The following SGPP1 variants were observed in gnomAD, a reference collection of about 807,000 sequenced individuals.
The protein encoded by SGPP1 is hSPP1.
A neutral mutation model predicts 33.0 loss-of-function variants in SGPP1; 21 were observed. The observed-to-expected ratio is 0.64, with a 90% CI of 0.45 to 0.92. The LOEUF is 0.92. Among genes scored for constraint, SGPP1 ranks in the 40% least tolerant of loss-of-function variants. The pLI is 0.00. For synonymous variants in SGPP1, 239 were observed against 241.2 expected (o/e 0.99, Z 0.08); for missense variants, 543 against 589.4 (o/e 0.92, Z 0.81).
intron 1 of SGPP1, among the ~76,000 whole-genome samples, chr14:63,722,252 C>T (rs1885786046): frequency 6.6e-6 from 1 of 151,450 alleles, no homozygotes; most frequent in Non-Finnish European, 1.5e-5. Context: ...CAGCTGGGCG[C>T]AGTGGCTCAT....
chr14:63,720,002 G>A (rs950487709), intron 1 of SGPP1, among the ~76,000 whole-genome samples: 6 of 151,256 alleles, frequency 4.0e-5, no homozygotes, highest in African/African-American at 7.3e-5. Flanking sequence ...GGTAGGTGCC[G>A]GTAATCCCAG....
In SGPP1 at chr14:63,708,584, C is replaced by T. The variant is rs148462743; in HGVS notation, c.685-9926G>A. Among the ~76,000 whole-genome samples the T allele has an allele frequency of 9.2e-5, 14 of 152,066 alleles. No homozygotes were observed. In the East Asian group the frequency reaches 1.9e-3, roughly 21 times the overall value. The stretch of plus-strand genomic sequence containing the variant: ...CAGCCAGCAATCCTTTATTTCTGAC[C>T]GTTAATTTGGCTAGACTTTTTTAAG... On this transcript the variant is annotated intron_variant, in intron 1 of 2. Transcript: ENST00000247225.
chr14:63,697,893 T>C (rs2139634488), intron 2 of SGPP1, among the ~76,000 whole-genome samples: 1 of 152,338 alleles, frequency 6.6e-6, no homozygotes, highest in East Asian at 1.9e-4. Flanking sequence ...AGCTGAATGC[T>C]AGTGGAGCAG....
At chr14:63,688,381 T>A (rs1479035080) in intron 2 of SGPP1, among the ~76,000 whole-genome samples, 1 of 149,520 alleles carries the variant, frequency 6.7e-6, no homozygotes, top group Admixed American at 6.6e-5. Context: ...GATGATGGAT[T>A]GAATGTGAGA....
Position 63,727,883 on chromosome 14 carries a change from G to A in SGPP1, c.62C>T (p.Ala21Val). The A allele has an allele frequency of 3.3e-6, 5 of 1,526,010 alleles. No individual in the cohort carries two copies. The highest frequency in any genetic ancestry group is 2.6e-5 in the East Asian group (1 of 38,988). 94.5% of individuals were successfully genotyped at this position (1,526,010 alleles called of 1,614,324 possible). A position where few individuals can be genotyped will look rare whatever the true frequency, so the allele number is the denominator to read the frequency against. ...CACCCCGCACAGCCGCTGGAAACGG[G>A]CCACTTTCTGCGGGTCCTGCAGACG... Reference protein sequence around the residue: ...VGRLQDPQKVARFQRLCGVEA... With the variant: ...VGRLQDPQKVVRFQRLCGVEA... Residue 21 changes from alanine (A) to valine (V), a missense_variant, in exon 1 of 3, where the codon GCC becomes GTC. Transcript: ENST00000247225.
At chr14:63,726,900 G>C (rs2139658918) in intron 1 of SGPP1, among the ~76,000 whole-genome samples, 1 of 152,244 alleles carries the variant, frequency 6.6e-6, no homozygotes, top group African/African-American at 2.4e-5. Context: ...CTGGGTCTTA[G>C]TTTACATAGC....
chr14:63,698,049 G>C (rs560459712), intron 2 of SGPP1, among the ~76,000 whole-genome samples: 58 of 152,312 alleles, frequency 3.8e-4, no homozygotes, highest in African/African-American at 1.4e-3. Context: ...CAGGGTCCCT[G>C]TGCTGCTGCT....
intron 1 of SGPP1, among the ~76,000 whole-genome samples, chr14:63,701,939 C>G (rs75403065): frequency 7.7e-6 from 1 of 129,622 alleles, no homozygotes; most frequent in Non-Finnish European, 1.6e-5. Context: ...AAAAAAGAAC[C>G]AAAAGAAGTA....
chr14:63,725,307 G>A (rs1885856792), intron 1 of SGPP1, among the ~76,000 whole-genome samples: 1 of 152,170 alleles, frequency 6.6e-6, no homozygotes, highest in African/African-American at 2.4e-5. Context: ...CTGGGAGGCA[G>A]AGGTTGCAGT....
At chr14:63,708,794 C>A (rs990464783) in intron 1 of SGPP1, among the ~76,000 whole-genome samples, 2 of 152,138 alleles carry the variant, frequency 1.3e-5, no homozygotes, top group Non-Finnish European at 2.9e-5. Flanking sequence ...TAATTCACCT[C>A]ATTTTATAGA....
intron 2 of SGPP1, among the ~76,000 whole-genome samples, chr14:63,694,137 A>C (rs1443550099): frequency 6.6e-6 from 1 of 152,030 alleles, no homozygotes; most frequent in African/African-American, 2.4e-5. Flanking sequence ...AAATAGAAAA[A>C]TCAGCAGGGC....
chr14:63,712,860 T>C (rs12886187), intron 1 of SGPP1, among the ~76,000 whole-genome samples: 2 of 135,534 alleles, frequency 1.5e-5, no homozygotes, highest in African/African-American at 5.7e-5. Context: ...GAGGTTGCAG[T>C]GAGCCGAGAT....
rs1036206787 is a variant in SGPP1, at chr14:63,685,621, G to T, written c.*484C>A. ...TCTAGTAATTACGCAATTCAATTAGGAAATGGCTCCCATAGTAAATAAATG... is the reference window on the plus strand; with the variant it reads ...TCTAGTAATTACGCAATTCAATTAGTAAATGGCTCCCATAGTAAATAAATG... On this transcript the variant is annotated 3_prime_UTR_variant, in exon 3 of 3. Transcript: ENST00000247225. 4 of 152,184 alleles carry T rather than the reference G, an allele frequency of 2.6e-5. No individual in the cohort carries two copies. Among genetic ancestry groups the T allele is most frequent in the East Asian group, 3.9e-4 (2 of 5,174 alleles). The allele number at this position is 152,184 out of a possible 1,614,324, so 9.4% of individuals were successfully genotyped here.
chr14:63,686,421 T>C lies in SGPP1; in HGVS notation c.1010A>G (p.Tyr337Cys), dbSNP rs1331044626. Residue 337 changes from tyrosine to cysteine, a missense_variant, in exon 3 of 3, where the codon TAT becomes TGT. Transcript: ENST00000247225. ...AGGATCTAATACTAGACCCATGTTA[T>C]AAGTAACATGAGATCCACATGCAAT... is the stretch of plus-strand genomic sequence containing the variant. Reference protein sequence around the residue: ...AGIACGSHVTYNMGLVLDPSL... With the variant: ...AGIACGSHVTCNMGLVLDPSL... 5 of 1,613,704 alleles carry C rather than the reference T, an allele frequency of 3.1e-6. No individual in the cohort carries two copies. Among genetic ancestry groups the C allele is most frequent in the Non-Finnish European group, 4.2e-6 (5 of 1,179,722 alleles).
chr14:63,720,240 C>T (rs1181055466), intron 1 of SGPP1, among the ~76,000 whole-genome samples: 1 of 148,714 alleles, frequency 6.7e-6, no homozygotes, highest in African/African-American at 2.5e-5. Flanking sequence ...CCAACCTTGG[C>T]AACATGGTGA....
At chr14:63,698,408 TTTC>T (rs542023629) in intron 2 of SGPP1, among the ~76,000 whole-genome samples, 158 bp downstream of exon 2, 62 of 152,350 alleles carry the variant, frequency 4.1e-4, no homozygotes, top group African/African-American at 1.4e-3. Flanking sequence ...TACATTAATA[TTTC>T]ATAAACCATC....
At chr14:63,714,951 G>A (rs1019340838) in intron 1 of SGPP1, among the ~76,000 whole-genome samples, 1 of 151,190 alleles carries the variant, frequency 6.6e-6, no homozygotes, top group African/African-American at 2.4e-5. Context: ...CTGGTATCCT[G>A]AGCTGAAGAG....
At chr14:63,701,513 A>G (rs1885299301) in intron 1 of SGPP1, among the ~76,000 whole-genome samples, 1 of 152,162 alleles carries the variant, frequency 6.6e-6, no homozygotes, top group Non-Finnish European at 1.5e-5. Context: ...CTTGCCAAGC[A>G]GATTATCTGT....
intron 1 of SGPP1, among the ~76,000 whole-genome samples, chr14:63,717,244 A>T (rs1281690707): frequency 1.7e-5 from 2 of 118,222 alleles, no homozygotes; most frequent in Non-Finnish European, 3.3e-5. Flanking sequence ...AAAAATGCTT[A>T]AAAAAAAAAA....
Sources: allele counts gnomAD v4.1 joint callset (sites outside exome capture counted in the v4.1 genomes callset), GRCh38; gene constraint gnomAD v4.1.1; transcripts MANE v1.5; gene names NCBI Gene and HGNC (gene_info 2026-07-23, HGNC 2026-07-21).